Variants in CLVS1 observed in about 807,000 individuals in gnomAD.
CLVS1 encodes clavesin-1.
A neutral mutation model predicts 33.1 loss-of-function variants in CLVS1; 10 were observed. That is an observed-to-expected ratio of 0.30 (90% CI 0.19 to 0.51). CLVS1 has a LOEUF of 0.51. CLVS1 is among the 20% of genes least tolerant of loss of function. CLVS1 has a pLI of 0.97. For synonymous variants in CLVS1, 163 were observed against 166.1 expected (o/e 0.98, Z 0.14); for missense variants, 343 against 433.4 (o/e 0.79, Z 1.85).
Position 61,193,906 on chromosome 8 carries a change from C to A in CLVS1, c.-152+62046C>A, listed in dbSNP as rs181082697. On this transcript the variant is annotated intron_variant, in intron 2 of 2. Coordinates refer to the CLVS1 transcript ENST00000522621. ...CTTGAGGGATTAAAACGATAAAACA[C>A]GTATCAGTAGCATATAAATTGGAAC... is the stretch of plus-strand genomic sequence containing the variant. Among the ~76,000 whole-genome samples, 3 of 152,042 alleles carry A rather than the reference C, an allele frequency of 2.0e-5. No homozygotes were observed. The South Asian group carries it at 6.2e-4, about 32-fold the overall frequency.
chr8:61,081,134 C>A (rs147612757), intron 1 of CLVS1, among the ~76,000 whole-genome samples: 1 of 152,110 alleles, frequency 6.6e-6, no homozygotes, highest in East Asian at 1.9e-4. Flanking sequence ...TGGGAAGACA[C>A]TGAAGGTTTC....
At chr8:61,065,524 T>G (rs1333939418) in intron 1 of CLVS1, among the ~76,000 whole-genome samples, 1 of 152,208 alleles carries the variant, frequency 6.6e-6, no homozygotes, top group Non-Finnish European at 1.5e-5. Flanking sequence ...GGGTTGAAAC[T>G]AAGGAGCAGA....
intron 2 of CLVS1, among the ~76,000 whole-genome samples, chr8:61,135,468 T>G (rs1193839817): frequency 6.6e-6 from 1 of 152,196 alleles, no homozygotes; most frequent in Admixed American, 6.5e-5. Flanking sequence ...TGTAGGGTTT[T>G]TCCAGGCCTG....
chr8:61,378,367 T>G (rs181373284), intron 3 of CLVS1: 10 of 152,318 alleles, frequency 6.6e-5, no homozygotes, highest in Admixed American at 3.3e-4. Flanking sequence ...AATACATTGA[T>G]GTGAACCTAC....
At chr8:61,335,480 A>G (rs1486962457) in intron 2 of CLVS1, among the ~76,000 whole-genome samples, 1 of 152,198 alleles carries the variant, frequency 6.6e-6, no homozygotes, top group Non-Finnish European at 1.5e-5. Flanking sequence ...AAACCAGAAA[A>G]TATCACCGAA....
chr8:61,463,597 A>T (rs1383652332), intron 5 of CLVS1, among the ~76,000 whole-genome samples: 1 of 152,186 alleles, frequency 6.6e-6, no homozygotes, highest in Non-Finnish European at 1.5e-5. Flanking sequence ...GCGAGGCCCA[A>T]GAAGAAGGAG....
intron 5 of CLVS1, among the ~76,000 whole-genome samples, chr8:61,492,594 C>G (rs866896701): frequency 6.6e-6 from 1 of 152,142 alleles, no homozygotes; most frequent in Non-Finnish European, 1.5e-5. Context: ...GGTAGAAATA[C>G]ATGATACATG....
chr8:61,410,949 A>C (rs780118564), intron 3 of CLVS1, among the ~76,000 whole-genome samples: 15 of 152,094 alleles, frequency 9.9e-5, no homozygotes, highest in Non-Finnish European at 2.1e-4. Flanking sequence ...GACAAATTTC[A>C]TTATTAAAAC....
At chr8:60,998,349 T>C in the CLVS1 span, among the ~76,000 whole-genome samples, 1 of 152,180 alleles carries the variant, frequency 6.6e-6, no homozygotes, top group Non-Finnish European at 1.5e-5. Flanking sequence ...CCTTATTCAG[T>C]GAACTTATTT....
Position 61,074,413 on chromosome 8 carries a change from G to A in CLVS1, c.-243+17183G>A, listed in dbSNP as rs547807221. On this transcript the variant is annotated intron_variant, in intron 1 of 2. Transcript: ENST00000522621. ...ATATATATATGTTATATATATATAA[G>A]TATATGTGTATATATATATGTTATA... 7.2e-3 allele frequency among the ~76,000 whole-genome samples: 951 copies of A among 132,546 alleles called. 64 individuals carry two copies. The highest frequency in any genetic ancestry group is 0.027 in the African/African-American group (886 of 32,398). 87.0% of individuals were successfully genotyped at this position (132,546 alleles called of 152,430 possible).
chr8:61,477,242 AT>A (rs1352465254), intron 5 of CLVS1, among the ~76,000 whole-genome samples: 2 of 152,130 alleles, frequency 1.3e-5, no homozygotes, highest in African/African-American at 4.8e-5. Context: ...CATCAAGGAT[AT>A]TGGTCTAAAA....
chr8:61,039,446 A>G, the CLVS1 span, among the ~76,000 whole-genome samples: 10 of 152,226 alleles, frequency 6.6e-5, no homozygotes, highest in Non-Finnish European at 1.2e-4. Flanking sequence ...TTCAGGTAGC[A>G]TGGTGGTTTC....
intron 2 of CLVS1, among the ~76,000 whole-genome samples, chr8:61,247,592 G>A (rs145035461): frequency 1.7e-3 from 253 of 152,240 alleles, no homozygotes; most frequent in Non-Finnish European, 3.1e-3. Context: ...CCACATGTAT[G>A]TCTTCTTTTG....
In CLVS1 at chr8:61,500,391, T is replaced by TATC. The variant is rs1554582289; in HGVS notation, c.*851_*853dup. ...GGGTCACTACAGCAAAGAAAAGTGC[T>TATC]ATCAAACCATTTACCCTTGCCCCCA... On this transcript the variant is annotated 3_prime_UTR_variant, in exon 6 of 6. Transcript: ENST00000325897. 7 of 152,276 alleles carry TATC rather than the reference T, an allele frequency of 4.6e-5. No homozygotes were observed. The highest frequency in any genetic ancestry group is 1.4e-4 in the African/African-American group (6 of 41,554). The allele number at this position is 152,276 out of a possible 1,614,324, so 9.4% of individuals were successfully genotyped here.
At chr8:61,259,025 G>A (rs535410576) in intron 2 of CLVS1, among the ~76,000 whole-genome samples, 4 of 152,274 alleles carry the variant, frequency 2.6e-5, no homozygotes, top group African/African-American at 9.6e-5. Context: ...AGATTCCTAA[G>A]TAAAGCTTAG....
the CLVS1 span, among the ~76,000 whole-genome samples, chr8:60,972,685 C>T: frequency 6.6e-6 from 1 of 152,156 alleles, no homozygotes; most frequent in Non-Finnish European, 1.5e-5. Context: ...TGGCCCCCAC[C>T]CATAAGTGGA....
At chr8:61,039,984 T>C in the CLVS1 span, among the ~76,000 whole-genome samples, 1 of 152,202 alleles carries the variant, frequency 6.6e-6, no homozygotes, top group Non-Finnish European at 1.5e-5. Flanking sequence ...TTTCAGCCCT[T>C]GACCCTCTCC....
intron 2 of CLVS1, among the ~76,000 whole-genome samples, chr8:61,337,041 A>G (rs762608496): frequency 2.0e-5 from 3 of 152,178 alleles, no homozygotes; most frequent in Non-Finnish European, 2.9e-5. Flanking sequence ...CTCAGCTTTC[A>G]TTTCTCAGAC....
At chr8:61,469,200 C>A (rs771878170) in intron 5 of CLVS1, among the ~76,000 whole-genome samples, 1 of 152,266 alleles carries the variant, frequency 6.6e-6, no homozygotes, top group Non-Finnish European at 1.5e-5. Context: ...CAAAGCACCT[C>A]CATGCAAAAA....
Sources: allele counts gnomAD v4.1 joint callset (sites outside exome capture counted in the v4.1 genomes callset), GRCh38; gene constraint gnomAD v4.1.1; transcripts MANE v1.5; gene names NCBI Gene and HGNC (gene_info 2026-07-23, HGNC 2026-07-21).